Variants in GRK3 observed in about 807,000 individuals in gnomAD.
GRK3 encodes adrenergic, beta, receptor kinase 2.
A neutral mutation model predicts 95.7 loss-of-function variants in GRK3; 54 were observed. That is an observed-to-expected ratio of 0.56 (90% CI 0.45 to 0.71). The LOEUF is 0.71. Ranked by LOEUF, GRK3 falls within the 30% of genes least tolerant of loss-of-function variation. The pLI, the probability that GRK3 is intolerant of heterozygous loss-of-function variation, is 0.00. For synonymous variants in GRK3, 281 were observed against 290.8 expected (o/e 0.97, Z 0.34); for missense variants, 649 against 851.2 (o/e 0.76, Z 2.96).
intron 13 of GRK3, among the ~76,000 whole-genome samples, chr22:25,699,640 G>C (rs1160124750): frequency 6.6e-6 from 1 of 151,928 alleles, no homozygotes; most frequent in Non-Finnish European, 1.5e-5. Flanking sequence ...GTGCAGTGAG[G>C]TGGAATCAAT....
At chr22:25,597,855 T>G (rs2084382628) in intron 1 of GRK3, among the ~76,000 whole-genome samples, 1 of 152,204 alleles carries the variant, frequency 6.6e-6, no homozygotes, top group African/African-American at 2.4e-5. Context: ...CCTGCCAACC[T>G]GGGATCCTAT....
At chr22:25,639,022 C>A (rs1049521553) in intron 2 of GRK3, among the ~76,000 whole-genome samples, 2 of 152,136 alleles carry the variant, frequency 1.3e-5, no homozygotes, top group African/African-American at 4.8e-5. Flanking sequence ...GTGTTCAAAT[C>A]TTCCTTGAGT....
chr22:25,602,915 A>G (rs1209850869), intron 1 of GRK3, among the ~76,000 whole-genome samples: 1 of 152,120 alleles, frequency 6.6e-6, no homozygotes. Context: ...ATTTAACAAT[A>G]TACTTTCTTT....
intron 1 of GRK3, among the ~76,000 whole-genome samples, chr22:25,602,396 T>G (rs1304598129): frequency 6.6e-6 from 1 of 152,230 alleles, no homozygotes; most frequent in African/African-American, 2.4e-5. Flanking sequence ...GTAGAACCAG[T>G]TTGTAATATA....
Position 25,722,358 on chromosome 22 carries a change from C to G in GRK3, c.1975C>G (p.Arg659Gly), listed in dbSNP as rs768086278. 1.2e-6 allele frequency: 2 copies of G among 1,614,020 alleles called. No homozygotes were observed. The highest frequency in any genetic ancestry group is 2.7e-5 in the African/African-American group (2 of 74,914). ...CTTCAAGGAGGCCCAGCGGCTATTG[C>G]GTCGTGCCCCGAAGTTCCTCAACAA... ...ETFKEAQRLL[R>G]RAPKFLNKPR... Residue 659 changes from arginine (R) to glycine (G), a missense_variant, in exon 21 of 21, where the codon CGT (arginine) becomes GGT (glycine). This residue lies in a region of GRK3 where 382 missense variants were observed against 493.8 expected (regional missense o/e 0.77). Transcript: ENST00000324198.
At chr22:25,676,583 C>T (rs961164725) in intron 8 of GRK3, among the ~76,000 whole-genome samples, 2 of 151,452 alleles carry the variant, frequency 1.3e-5, no homozygotes, top group East Asian at 1.9e-4. Context: ...CCCAGCTACT[C>T]GAGAGGCTGA....
intron 2 of GRK3, among the ~76,000 whole-genome samples, chr22:25,619,903 A>T (rs2084568604): frequency 6.6e-6 from 1 of 151,536 alleles, no homozygotes; most frequent in African/African-American, 2.4e-5. Context: ...AAGCATTATG[A>T]TTCATTTCTC....
chr22:25,705,685 A>G (rs1335109374), intron 15 of GRK3, among the ~76,000 whole-genome samples: 3 of 152,054 alleles, frequency 2.0e-5, no homozygotes, highest in African/African-American at 7.3e-5. Context: ...TTCGGGAAGG[A>G]CTCAGCCTGC....
intron 3 of GRK3, chr22:25,648,165 G>T (rs1019689333): frequency 1.5e-6 from 1 of 681,946 alleles, no homozygotes; most frequent in Non-Finnish European, 2.6e-6. Context: ...ACGAGAGAGC[G>T]AAACTACTAA....
chr22:25,632,193 C>T (rs903723771), intron 2 of GRK3, among the ~76,000 whole-genome samples: 1 of 152,204 alleles, frequency 6.6e-6, no homozygotes, highest in Non-Finnish European at 1.5e-5. Flanking sequence ...GCTCCACATC[C>T]TTACCAGCAT....
At chr22:25,580,052 T>G (rs1487420030) in intron 1 of GRK3, among the ~76,000 whole-genome samples, 1 of 152,162 alleles carries the variant, frequency 6.6e-6, no homozygotes, top group East Asian at 1.9e-4. Flanking sequence ...TCAAAAGTAT[T>G]CCTGCCCCCA....
chr22:25,712,773 A>G (rs1334383304), intron 17 of GRK3, among the ~76,000 whole-genome samples: 1 of 152,222 alleles, frequency 6.6e-6, no homozygotes, highest in African/African-American at 2.4e-5. Flanking sequence ...TCAATGCTTG[A>G]CAAACTAGTA....
At chr22:25,618,891 G>T (rs1013471761) in intron 2 of GRK3, among the ~76,000 whole-genome samples, 1 of 151,914 alleles carries the variant, frequency 6.6e-6, no homozygotes, top group Non-Finnish European at 1.5e-5. Context: ...GCTCATCCTG[G>T]GATCCTCCTA....
At position 25,661,469 on chromosome 22, in the gene GRK3, T is replaced by C. The variant is rs1214473609; in HGVS notation, c.265-107T>C. 1.6e-5 allele frequency: 9 copies of C among 574,898 alleles called. No individual in the cohort carries two copies. The East Asian group carries it at 2.5e-4, about 16-fold the overall frequency. The allele number at this position is 574,898 out of a possible 1,614,324, so 35.6% of individuals were successfully genotyped here. ...CTGTGGAATAGCCGGTTCAGTAATT[T>C]GCTTTATCTCATGTGCAAGTGGTTT... On this transcript the variant is annotated intron_variant, in intron 3 of 20. Transcript: ENST00000324198.
intron 1 of GRK3, among the ~76,000 whole-genome samples, chr22:25,568,193 G>T (rs1288929204): frequency 6.6e-6 from 1 of 152,168 alleles, no homozygotes; most frequent in Non-Finnish European, 1.5e-5. Flanking sequence ...TGTTGGAAAA[G>T]AAATACTTTT....
chr22:25,672,359 CT>C lies in GRK3; in HGVS notation c.555+17del. The C allele has an allele frequency of 1.4e-6, 2 of 1,392,920 alleles. No individual in the cohort carries two copies. The highest frequency in any genetic ancestry group is 2.0e-6 in the Non-Finnish European group (2 of 1,002,030). The allele number at this position is 1,392,920 out of a possible 1,614,324, so 86.3% of individuals were successfully genotyped here. ...AATTAAATATCCATGTGAGTATCATCTTTTTCTTTTTTCATTTTTTAAATAA... is the reference window on the plus strand; with the variant it reads ...AATTAAATATCCATGTGAGTATCATCTTTTCTTTTTTCATTTTTTAAATAA... On this transcript the variant is annotated intron_variant, in intron 7 of 20. Coordinates refer to ENST00000324198, the MANE Select transcript of GRK3 (RefSeq NM_005160.4).
At chr22:25,643,017 A>G (rs2084754680) in intron 2 of GRK3, among the ~76,000 whole-genome samples, 2 of 152,216 alleles carry the variant, frequency 1.3e-5, no homozygotes, top group Non-Finnish European at 2.9e-5. Context: ...AAAAATCCCC[A>G]AATATTTTGA....
At chr22:25,648,377 G>A in intron 3 of GRK3, 1 of 1,314,338 alleles carries the variant, frequency 7.6e-7, no homozygotes, top group East Asian at 2.3e-5. Context: ...GTCCAACTGT[G>A]AAACCTCAGA....
intron 8 of GRK3, among the ~76,000 whole-genome samples, chr22:25,675,738 C>T (rs1398217135): frequency 6.6e-6 from 1 of 152,204 alleles, no homozygotes; most frequent in Middle Eastern, 3.2e-3. Context: ...CCAAGAAGTC[C>T]TTTCCGTTCT....
Sources: allele counts gnomAD v4.1 joint callset (sites outside exome capture counted in the v4.1 genomes callset), GRCh38; gene constraint gnomAD v4.1.1; regional missense constraint gnomAD v4.1.1; transcripts MANE v1.5; gene names NCBI Gene and HGNC (gene_info 2026-07-23, HGNC 2026-07-21).